RBFOX1: variants seen among roughly 807,000 people sequenced by gnomAD.
RBFOX1 encodes the protein RNA binding fox-1 homolog 1, also known as RNA binding protein fox-1 homolog 1.
RBFOX1 carries 8 observed loss-of-function variants against 57.7 expected under a neutral mutation model. The observed-to-expected ratio is 0.14, with a 90% CI of 0.08 to 0.25. The LOEUF (loss-of-function observed/expected upper bound fraction) is 0.25. RBFOX1 is among the 10% of genes least tolerant of loss of function. RBFOX1 has a pLI of 1.00. For missense variants in RBFOX1, 611 were observed against 548.5 expected (o/e 1.11, Z -1.14); for synonymous variants, 326 against 222.4 (o/e 1.47, Z -4.15).
At chr16:6,666,129 C>T (rs1395582242) in intron 3 of RBFOX1, among the ~76,000 whole-genome samples, 1 of 152,132 alleles carries the variant, frequency 6.6e-6, no homozygotes, top group Non-Finnish European at 1.5e-5. Flanking sequence ...TGAGACCTGC[C>T]AGCCACATGG....
intron 2 of RBFOX1, among the ~76,000 whole-genome samples, chr16:6,335,958 C>T (rs1053422070): frequency 2.0e-5 from 3 of 149,866 alleles, no homozygotes; most frequent in African/African-American, 4.9e-5. Context: ...GGGTGAGAGA[C>T]GCAGCATGAT....
chr16:5,672,916 T>A (rs1454518535), intron 3 of RBFOX1, among the ~76,000 whole-genome samples: 1 of 151,976 alleles, frequency 6.6e-6, no homozygotes, highest in African/African-American at 2.4e-5. Flanking sequence ...TAATAATTAA[T>A]AGTAGTTCAT....
At chr16:6,730,938 C>G (rs1046730082) in intron 3 of RBFOX1, among the ~76,000 whole-genome samples, 6 of 152,120 alleles carry the variant, frequency 3.9e-5, no homozygotes, top group African/African-American at 1.4e-4. Context: ...GGTTCCCCAG[C>G]TAGCTCCACA....
chr16:6,329,834 A>G (rs1379684928), intron 2 of RBFOX1, among the ~76,000 whole-genome samples: 7 of 152,182 alleles, frequency 4.6e-5, no homozygotes, highest in Non-Finnish European at 8.8e-5. Flanking sequence ...GCTACTTGGG[A>G]GGCTGAGGTA....
intron 4 of RBFOX1, among the ~76,000 whole-genome samples, chr16:7,508,862 C>G (rs1489886136): frequency 6.6e-6 from 1 of 152,196 alleles, no homozygotes; most frequent in African/African-American, 2.4e-5. Flanking sequence ...AGGGGAAGAT[C>G]TCTCTTTCCA....
At chr16:5,813,467 G>A (rs2055508956) in intron 3 of RBFOX1, among the ~76,000 whole-genome samples, 1 of 152,152 alleles carries the variant, frequency 6.6e-6, no homozygotes, top group Non-Finnish European at 1.5e-5. Context: ...AATGGAATAT[G>A]ATTCAGCCAT....
chr16:5,288,784 C>G (rs2063461878), intron 1 of RBFOX1, among the ~76,000 whole-genome samples: 1 of 152,000 alleles, frequency 6.6e-6, no homozygotes, highest in East Asian at 1.9e-4. Context: ...GTTAAGAAAA[C>G]CCAGCATCAC....
At chr16:7,195,839 C>A (rs2086567900) in intron 4 of RBFOX1, among the ~76,000 whole-genome samples, 4 of 152,138 alleles carry the variant, frequency 2.6e-5, no homozygotes, top group Admixed American at 2.6e-4. Context: ...AGGCATGAAC[C>A]ACTGTGCCCA....
At chr16:6,581,339 C>T (rs1567761512) in intron 2 of RBFOX1, among the ~76,000 whole-genome samples, 2 of 152,140 alleles carry the variant, frequency 1.3e-5, no homozygotes, top group Admixed American at 1.3e-4. Context: ...GCACCCTTGC[C>T]TTCCTCTTTG....
At chr16:6,369,338 A>G (rs2090108173) in intron 2 of RBFOX1, among the ~76,000 whole-genome samples, 1 of 152,196 alleles carries the variant, frequency 6.6e-6, no homozygotes, top group Admixed American at 6.5e-5. Flanking sequence ...GCTGGGTCGG[A>G]TAGTGTAAAG....
At chr16:7,317,223 C>G (rs1051017777) in intron 4 of RBFOX1, among the ~76,000 whole-genome samples, 4 of 152,032 alleles carry the variant, frequency 2.6e-5, no homozygotes, top group African/African-American at 9.7e-5. Context: ...AAAATCAAGC[C>G]TGAGATTCAT....
intron 2 of RBFOX1, among the ~76,000 whole-genome samples, chr16:6,404,988 G>A (rs1342144): frequency 6.6e-6 from 1 of 152,206 alleles, no homozygotes; most frequent in East Asian, 1.9e-4. Context: ...TTAGAACTTC[G>A]AACTAATTCT....
chr16:7,025,855 A>T (rs1333697167), intron 3 of RBFOX1, among the ~76,000 whole-genome samples: 1 of 152,160 alleles, frequency 6.6e-6, no homozygotes, highest in Non-Finnish European at 1.5e-5. Flanking sequence ...AGGGATTCAA[A>T]GCTCCAGCAA....
At chr16:6,575,700 G>A (rs941480501) in intron 2 of RBFOX1, among the ~76,000 whole-genome samples, 1 of 151,814 alleles carries the variant, frequency 6.6e-6, no homozygotes, top group Middle Eastern at 3.2e-3. Context: ...TGTACTAAAA[G>A]TACAGAAATT....
intron 1 of RBFOX1, among the ~76,000 whole-genome samples, chr16:5,420,668 G>A (rs1226146094): frequency 1.3e-5 from 2 of 152,036 alleles, no homozygotes; most frequent in Non-Finnish European, 2.9e-5. Flanking sequence ...TGAGTTGCTG[G>A]GACTACAGGC....
At chr16:7,535,273 G>T (rs2081208058) in intron 5 of RBFOX1, among the ~76,000 whole-genome samples, 1 of 152,156 alleles carries the variant, frequency 6.6e-6, no homozygotes, top group South Asian at 2.1e-4. Flanking sequence ...AGGGCTGCTG[G>T]GCTTACGGGC....
intron 1 of RBFOX1, among the ~76,000 whole-genome samples, chr16:6,310,447 C>T (rs886986587): frequency 2.6e-4 from 40 of 152,118 alleles, no homozygotes; most frequent in South Asian, 2.1e-4. Context: ...AAGAAGTAGG[C>T]GTAGCGCTTG....
rs946047628 is a variant in RBFOX1, at chr16:6,272,952, A to G, written c.-126-44043A>G. Among the ~76,000 whole-genome samples the G allele has an allele frequency of 7.2e-5, 11 of 152,296 alleles. No homozygotes were observed. The East Asian group carries it at 9.6e-4, about 13-fold the overall frequency. The stretch of plus-strand genomic sequence containing the variant: ...TAACTTTGATATAAAACATAAAACT[A>G]TAAAACATTTAGTAAAGAAAAAAGA... On this transcript the variant is annotated intron_variant, in intron 1 of 15. Transcript: ENST00000550418.
chr16:7,169,082 G>A (rs1170246720), intron 4 of RBFOX1, among the ~76,000 whole-genome samples: 1 of 152,148 alleles, frequency 6.6e-6, no homozygotes, highest in Non-Finnish European at 1.5e-5. Flanking sequence ...GAGGAAGTAG[G>A]CAAATCATTC....
Sources: allele counts gnomAD v4.1 joint callset (sites outside exome capture counted in the v4.1 genomes callset), GRCh38; gene constraint gnomAD v4.1.1; transcripts MANE v1.5; gene names NCBI Gene and HGNC (gene_info 2026-07-23, HGNC 2026-07-21).